Variants in EPG5 observed in about 807,000 individuals in gnomAD.
EPG5 encodes ectopic P granules protein 5 homolog.
Under a neutral mutation model 302.7 loss-of-function variants are expected in EPG5, and 159 were observed. That is an observed-to-expected ratio of 0.53 (90% CI 0.46 to 0.60). The LOEUF is 0.60. Ranked by LOEUF, EPG5 falls within the 20% of genes least tolerant of loss-of-function variation. The pLI, the probability that EPG5 is intolerant of heterozygous loss-of-function variation, is 0.00. For missense variants in EPG5, 2,896 were observed against 3,092.4 expected (o/e 0.94, Z 1.51); for synonymous variants, 1,158 against 1,136.8 (o/e 1.02, Z -0.37).
At position 45,867,684 on chromosome 18, in the gene EPG5, C is replaced by A; in HGVS notation, c.6290G>T (p.Trp2097Leu). Residue 2097 changes from tryptophan (W) to leucine (L), a missense_variant, in exon 37 of 44, where the codon TGG becomes TTG. Physicochemically the swap from Trp to Leu is moderately conservative, Grantham distance 61. Around this residue, in one of 5 missense-constraint regions of EPG5, gnomAD observed 620 missense variants for 704.2 expected, o/e 0.88. Coordinates refer to ENST00000282041, the MANE Select transcript of EPG5 (RefSeq NM_020964.3). ...CCAGGCATCAGAGAGCACACTAACC[C>A]AGTTGACTTCACAGAGTACAGACCC... is the stretch of plus-strand genomic sequence containing the variant. ...FLGSVLCEVNWVSVLSDAWNS... is the reference protein window; with the variant it reads ...FLGSVLCEVNLVSVLSDAWNS... 1 of 1,614,106 alleles carries A rather than the reference C, an allele frequency of 6.2e-7. No individual in the cohort carries two copies. Among genetic ancestry groups the A allele is most frequent in the Non-Finnish European group, 8.5e-7 (1 of 1,180,000 alleles).
intron 4 of EPG5, 70 bp downstream of exon 4, chr18:45,951,027 AATGAT>A: frequency 1.7e-6 from 2 of 1,211,664 alleles, no homozygotes; most frequent in African/African-American, 1.6e-5. Flanking sequence ...GACCAAATGT[AATGAT>A]ATAACAGATA....
chr18:45,891,536 G>A (rs2049348501), intron 27 of EPG5, among the ~76,000 whole-genome samples: 1 of 150,888 alleles, frequency 6.6e-6, no homozygotes. Context: ...GAAGGGCAAT[G>A]GTCCTTCCTA....
chr18:45,922,812 A>G (rs970121158), intron 15 of EPG5, among the ~76,000 whole-genome samples: 3 of 152,242 alleles, frequency 2.0e-5, no homozygotes, highest in Non-Finnish European at 4.4e-5. Context: ...ACCTGATCTT[A>G]GCTCATGTAA....
At chr18:45,825,188 G>GAGAGAGGGAGGA in the EPG5 span, among the ~76,000 whole-genome samples, 1 of 134,242 alleles carries the variant, frequency 7.4e-6, no homozygotes, top group Non-Finnish European at 1.6e-5. Context: ...GAGAGGGAGG[G>GAGAGAGGGAGGA]AGAGAGGGAG....
Position 45,967,293 on chromosome 18 carries a change from A to G in EPG5, c.-54T>C. Reference sequence around the variant, plus strand: ...GTTTTTGTCAAACCCCTGCGCTTCAAGCAACCTGCCCGGTTCTGGCCTCCG... The same window carrying G: ...GTTTTTGTCAAACCCCTGCGCTTCAGGCAACCTGCCCGGTTCTGGCCTCCG... On this transcript the variant is annotated 5_prime_UTR_variant, in exon 1 of 44. Coordinates refer to ENST00000282041, the MANE Select transcript of EPG5 (RefSeq NM_020964.3). 4 of 1,500,782 alleles carry G rather than the reference A, an allele frequency of 2.7e-6. No individual in the cohort carries two copies. Among genetic ancestry groups the G allele is most frequent in the Non-Finnish European group, 2.7e-6 (3 of 1,116,066 alleles). 93.0% of individuals were successfully genotyped at this position (1,500,782 alleles called of 1,614,324 possible).
chr18:45,865,885 G>T, intron 38 of EPG5, 126 bp from the exon 39 acceptor site: 2 of 1,092,680 alleles, frequency 1.8e-6, no homozygotes, highest in Non-Finnish European at 1.3e-6. Context: ...AGAACAGGAA[G>T]CCACATGAAG....
chr18:45,805,913 G>A, the EPG5 span, among the ~76,000 whole-genome samples: 2 of 152,282 alleles, frequency 1.3e-5, no homozygotes, highest in South Asian at 4.1e-4. Context: ...GTAGAGTTTT[G>A]AAGATTTTAG....
chr18:45,837,858 G>T, the EPG5 span: 2 of 1,537,170 alleles, frequency 1.3e-6, no homozygotes, highest in South Asian at 1.2e-5. Context: ...GTCCATGACC[G>T]CTACGAGAGC....
chr18:45,836,371 T>C, the EPG5 span, among the ~76,000 whole-genome samples: 5 of 152,184 alleles, frequency 3.3e-5, no homozygotes, highest in Admixed American at 3.3e-4. Flanking sequence ...TGCCGTATTA[T>C]TTCCTCTAAA....
At chr18:45,959,872 G>C (rs2051111313) in intron 1 of EPG5, among the ~76,000 whole-genome samples, 1 of 151,872 alleles carries the variant, frequency 6.6e-6, no homozygotes, top group Admixed American at 6.6e-5. Flanking sequence ...CCAGCTACTT[G>C]GGAAGCTGAA....
At chr18:45,852,738 C>T in intron 43 of EPG5, 89 bp from the exon 44 acceptor site, 1 of 1,147,846 alleles carries the variant, frequency 8.7e-7, no homozygotes, top group Non-Finnish European at 1.3e-6. Context: ...TCACTGTGTA[C>T]TTCAACTGTG....
At chr18:45,940,236 A>C (rs2050632631) in intron 9 of EPG5, among the ~76,000 whole-genome samples, 1 of 152,238 alleles carries the variant, frequency 6.6e-6, no homozygotes. Context: ...TAGGAACAGC[A>C]AGGAGGCCAA....
chr18:45,939,613 G>A lies in EPG5; in HGVS notation c.2086C>T (p.Leu696=), dbSNP rs1453743837. 1 of 1,614,026 alleles carries A rather than the reference G, an allele frequency of 6.2e-7. No homozygotes were observed. Among genetic ancestry groups the A allele is most frequent in the East Asian group, 2.2e-5 (1 of 44,876 alleles). Residue 696 remains leucine, a synonymous_variant, in exon 10 of 44, where the codon CTG becomes TTG. Coordinates refer to ENST00000282041, the MANE Select transcript of EPG5 (RefSeq NM_020964.3). Reference sequence around the variant, plus strand: ...TGTCTTACTTACCTTTTGGCCTTCAGCACATGTAGGACAGCCCTCAAAAAC... The same window carrying A: ...TGTCTTACTTACCTTTTGGCCTTCAACACATGTAGGACAGCCCTCAAAAAC... ...ELFLRAVLHV[L]KAKRLGIWLF...
intron 11 of EPG5, among the ~76,000 whole-genome samples, chr18:45,933,572 G>A (rs1399068813): frequency 6.6e-6 from 1 of 151,992 alleles, no homozygotes; most frequent in Non-Finnish European, 1.5e-5. Flanking sequence ...CAGCTACTCA[G>A]GAGGCTGAGC....
chr18:45,870,682 G>C lies in EPG5; in HGVS notation c.6110C>G (p.Ala2037Gly), dbSNP rs1453237016. 6.2e-7 allele frequency: 1 copy of C among 1,613,234 alleles called. No individual in the cohort carries two copies. The highest frequency in any genetic ancestry group is 8.5e-7 in the Non-Finnish European group (1 of 1,179,686). ...CTCTGGCATTTTGGGTGCTGTACAT[G>C]CTTCACAATAATGCATCAGGTGCAA... Reference protein sequence around the residue: ...LWLHLMHYCEACTAPKMPEFI... With the variant: ...LWLHLMHYCEGCTAPKMPEFI... Residue 2037 changes from alanine (A) to glycine (G), a missense_variant, in exon 36 of 44, where the codon GCA (alanine) becomes GGA (glycine). Transcript: ENST00000282041.
At chr18:45,962,146 A>G (rs1328464820) in intron 1 of EPG5, among the ~76,000 whole-genome samples, 2 of 152,186 alleles carry the variant, frequency 1.3e-5, no homozygotes, top group Non-Finnish European at 2.9e-5. Context: ...TGTTTAATAA[A>G]TGAATGGCTT....
At chr18:45,862,387 A>T (rs964289087) in intron 39 of EPG5, among the ~76,000 whole-genome samples, 3 of 152,178 alleles carry the variant, frequency 2.0e-5, no homozygotes, top group Non-Finnish European at 4.4e-5. Flanking sequence ...AAAGTCTATG[A>T]TGAGCACTTA....
chr18:45,966,154 C>T (rs1423821600), intron 1 of EPG5, among the ~76,000 whole-genome samples: 1 of 151,556 alleles, frequency 6.6e-6, no homozygotes, highest in Non-Finnish European at 1.5e-5. Flanking sequence ...GGGCGGATCA[C>T]GAGGTCAGGA....
Position 45,943,247 on chromosome 18 carries a change from T to C in EPG5, c.1857A>G (p.Ser619=). The part of the protein sequence containing the change: ...EMMKIFAFAN[S]LVELLAVGLE... ...ACCCCACAGCCAGAAGTTCCACTAG[T>C]GAGTTGGCAAAGGCAAAAATTTTCA... Residue 619 remains serine (S), a synonymous_variant, in exon 9 of 44, where the codon TCA becomes TCG. Coordinates refer to ENST00000282041, the MANE Select transcript of EPG5 (RefSeq NM_020964.3). The C allele has an allele frequency of 6.2e-7, 1 of 1,614,130 alleles. No individual in the cohort carries two copies. Among genetic ancestry groups the C allele is most frequent in the South Asian group, 1.1e-5 (1 of 91,080 alleles).
Sources: gnomAD v4.1 joint callset for allele counts (sites outside exome capture counted in the v4.1 genomes callset) on GRCh38, gnomAD v4.1.1 for gene constraint, gnomAD v4.1.1 regional missense constraint, MANE v1.5 for transcripts, NCBI Gene and HGNC (gene_info 2026-07-23, HGNC 2026-07-21) for gene names.